CBFA2T3: variants seen among roughly 807,000 people sequenced by gnomAD.
The protein encoded by CBFA2T3 is transcriptional corepressor CBFA2T3.
CBFA2T3 carries 31 observed loss-of-function variants against 58.6 expected under a neutral mutation model. The ratio of observed to expected loss-of-function variants is 0.53; its 90% confidence interval spans 0.40 to 0.71. CBFA2T3 has a LOEUF of 0.71. CBFA2T3 is among the 30% of genes least tolerant of loss of function. The pLI is 0.00. For missense variants in CBFA2T3, 1,076 were observed against 963.1 expected (o/e 1.12, Z -1.55); for synonymous variants, 531 against 421.9 (o/e 1.26, Z -3.17).
chr16:88,968,305 G>A lies in CBFA2T3; in HGVS notation c.151+8352C>T, dbSNP rs533344643. Among the ~76,000 whole-genome samples the A allele has an allele frequency of 1.9e-3, 286 of 152,328 alleles. 2 individuals carry two copies. In the South Asian group the frequency reaches 0.025, roughly 13 times the overall value. ...GGAAGCACCTGGCAGTTTCAGTTTC[G>A]CCAGGAAGCGGCTGCCTGCTGTCTC... On this transcript the variant is annotated intron_variant, in intron 1 of 11. Transcript: ENST00000268679.
intron 1 of CBFA2T3, among the ~76,000 whole-genome samples, chr16:88,944,048 A>G (rs992828525): frequency 2.0e-5 from 3 of 152,020 alleles, no homozygotes; most frequent in Non-Finnish European, 2.9e-5. Flanking sequence ...CTTAAAAGAA[A>G]CCACCACGGC....
chr16:88,909,915 G>A (rs1230906456), intron 1 of CBFA2T3, among the ~76,000 whole-genome samples: 2 of 152,320 alleles, frequency 1.3e-5, no homozygotes, highest in East Asian at 3.9e-4. Flanking sequence ...AGGTAAACCC[G>A]TACACTTGGA....
At chr16:88,949,119 G>GA (rs1413941631) in intron 1 of CBFA2T3, among the ~76,000 whole-genome samples, 1 of 152,146 alleles carries the variant, frequency 6.6e-6, no homozygotes, top group Non-Finnish European at 1.5e-5. Flanking sequence ...AGGATTAGGA[G>GA]AAAAAAGCAG....
At chr16:88,921,961 G>A (rs73254279) in intron 1 of CBFA2T3, among the ~76,000 whole-genome samples, 8,040 of 152,352 alleles carry the variant, frequency 0.053, 742 homozygotes, top group African/African-American at 0.18. Context: ...CAGTTCACAC[G>A]TGTCAAAGCT....
chr16:88,924,551 G>A (rs1971025472), intron 1 of CBFA2T3, among the ~76,000 whole-genome samples: 1 of 152,158 alleles, frequency 6.6e-6, no homozygotes, highest in African/African-American at 2.4e-5. Context: ...GGGGCCACCA[G>A]GGCAGCTCTC....
In CBFA2T3 at chr16:88,886,044, C is replaced by T. The variant is rs762297515; in HGVS notation, c.810G>A (p.Leu270=). ...CGATGGGGGAGGAGGCGCTGGCGTC[C>T]AGCAGGAGCTGCTCATGCTGGGCCA... ...QYLAQHEQLL[L]DASASSPIDS... Residue 270 remains leucine, a synonymous_variant, in exon 6 of 12, where the codon CTG becomes CTA. Transcript: ENST00000268679. 3.8e-5 allele frequency: 60 copies of T among 1,580,990 alleles called. No individual in the cohort carries two copies. The highest frequency in any genetic ancestry group is 4.5e-5 in the Non-Finnish European group (53 of 1,167,568).
Position 88,976,766 on chromosome 16 carries a change from G to A in CBFA2T3, c.42C>T (p.Ala14=), listed in dbSNP as rs200995268. 6 of 1,556,344 alleles carry A rather than the reference G, an allele frequency of 3.9e-6. No homozygotes were observed. Among genetic ancestry groups the A allele is most frequent in the Non-Finnish European group, 5.2e-6 (6 of 1,149,810 alleles). ...ACATGGAGCCACAGGTGGATCCCGA[G>A]GCTGAACTGGCTGCCCTGTCCCTCA... ...SRLRDRAASS[A]SGSTCGSMSQ... is the part of the protein sequence containing the mutation. Residue 14 remains alanine, a synonymous_variant, in exon 1 of 12, where the codon GCC becomes GCT. Transcript: ENST00000268679.
At chr16:88,941,571 G>C (rs1345056064) in intron 1 of CBFA2T3, among the ~76,000 whole-genome samples, 1 of 148,188 alleles carries the variant, frequency 6.7e-6, no homozygotes, top group Non-Finnish European at 1.5e-5. Context: ...TGTGCGGAGC[G>C]CCGGGAGCAG....
intron 1 of CBFA2T3, among the ~76,000 whole-genome samples, chr16:88,968,532 C>G (rs1972570916): frequency 1.3e-5 from 2 of 152,248 alleles, no homozygotes; most frequent in Non-Finnish European, 2.9e-5. Context: ...GAGGGCAGAT[C>G]TGACTGGCAT....
intron 5 of CBFA2T3, among the ~76,000 whole-genome samples, chr16:88,889,981 ATTCCTCCTCCTC>A (rs1969560736): frequency 7.3e-6 from 1 of 137,180 alleles, no homozygotes; most frequent in African/African-American, 2.9e-5. Context: ...ACGCCCCGTG[ATTCCTCCTCCTC>A]CAGGGGACGT....
chr16:88,879,391 C>T lies in CBFA2T3; in HGVS notation c.1541G>A (p.Arg514His), dbSNP rs750224332. 6.2e-6 allele frequency: 10 copies of T among 1,612,974 alleles called. No homozygotes were observed. Among genetic ancestry groups the T allele is most frequent in the Non-Finnish European group, 8.5e-6 (10 of 1,179,784 alleles). The stretch of plus-strand genomic sequence containing the variant: ...CGTGGTGATGAGCTCGTGCGCTTTG[C>T]GCTCCGCGTCCGACACGGCTTTCTG... ...ELQKAVSDAERKAHELITTER... is the reference protein window; with the variant it reads ...ELQKAVSDAEHKAHELITTER... Residue 514 changes from arginine to histidine, a missense_variant, in exon 11 of 12, where the codon CGC (arginine) becomes CAC (histidine). Coordinates refer to ENST00000268679, the MANE Select transcript of CBFA2T3 (RefSeq NM_005187.6).
At chr16:88,889,174 C>G (rs11639813) in intron 5 of CBFA2T3, among the ~76,000 whole-genome samples, 26,997 of 151,156 alleles carry the variant, frequency 0.18, 2,713 homozygotes, top group East Asian at 0.48. Context: ...GGGCCGCTAA[C>G]GAACTGCAAA....
intron 1 of CBFA2T3, among the ~76,000 whole-genome samples, chr16:88,975,245 C>CTG (rs1567644159): frequency 1.5e-5 from 2 of 137,398 alleles, no homozygotes; most frequent in African/African-American, 3.3e-5. Context: ...GTCAGAGGCC[C>CTG]GCCCTGACCC....
chr16:88,881,213 G>T, intron 9 of CBFA2T3, 78 bp downstream of exon 9: 2 of 1,287,582 alleles, frequency 1.6e-6, no homozygotes, highest in Non-Finnish European at 2.2e-6. Context: ...TCGTTGCATT[G>T]CCTGCCTGAC....
rs182688991 is a variant in CBFA2T3, at chr16:88,953,804, G to A, written c.151+22853C>T. Reference sequence around the variant, plus strand: ...TGCACCCCCTGAATCTTAATCATATGTGTCTCTGGGTTTCCCTTAAGGGGG... The same window carrying A: ...TGCACCCCCTGAATCTTAATCATATATGTCTCTGGGTTTCCCTTAAGGGGG... On this transcript the variant is annotated intron_variant, in intron 1 of 11. Coordinates refer to ENST00000268679, the MANE Select transcript of CBFA2T3 (RefSeq NM_005187.6). The surrounding 1 kb of genome is among the most constrained non-coding windows in gnomAD (Gnocchi z 4.9). Among the ~76,000 whole-genome samples the A allele has an allele frequency of 6.6e-6, 1 of 152,276 alleles. No individual in the cohort carries two copies. The highest frequency in any genetic ancestry group is 1.5e-5 in the Non-Finnish European group (1 of 68,014).
At chr16:88,950,348 G>A (rs1384231229) in intron 1 of CBFA2T3, 4 of 414,000 alleles carry the variant, frequency 9.7e-6, no homozygotes, top group South Asian at 1.7e-5. Flanking sequence ...CCCCTGGACC[G>A]GCACCGCCAC....
rs554457163 is a variant in CBFA2T3 at position 88,952,375 on chromosome 16, G to A, written c.151+24282C>T. Among the ~76,000 whole-genome samples the A allele has an allele frequency of 3.6e-4, 54 of 151,582 alleles. 1 individual carries two copies. The highest frequency in any genetic ancestry group is 1.3e-3 in the African/African-American group (53 of 41,324). On this transcript the variant is annotated intron_variant, in intron 1 of 11. Coordinates refer to ENST00000268679, the MANE Select transcript of CBFA2T3 (RefSeq NM_005187.6). ...AGCAAGACAAATGCCCAGGCCACAG[G>A]GTGAGGGAGCTGCCGCCCTCCAATC...
chr16:88,966,145 T>C (rs1258767985), intron 1 of CBFA2T3, among the ~76,000 whole-genome samples: 1 of 152,150 alleles, frequency 6.6e-6, no homozygotes, highest in Non-Finnish European at 1.5e-5. Context: ...TTTGTGTGGG[T>C]CGCTCTGCTC....
intron 1 of CBFA2T3, among the ~76,000 whole-genome samples, chr16:88,948,308 C>A (rs1447063183): frequency 6.6e-6 from 1 of 152,180 alleles, no homozygotes; most frequent in African/African-American, 2.4e-5. Context: ...ACATTCGTGG[C>A]GAGTGGGGAG....
Sources: allele counts gnomAD v4.1 joint callset (sites outside exome capture counted in the v4.1 genomes callset), GRCh38; gene constraint gnomAD v4.1.1; non-coding constraint Gnocchi (gnomAD v3.1); transcripts MANE v1.5; gene names NCBI Gene and HGNC (gene_info 2026-07-23, HGNC 2026-07-21).